The following PRKCB variants were observed in gnomAD, a reference collection of about 807,000 sequenced individuals.
PRKCB encodes protein kinase C beta.
A neutral mutation model predicts 81.5 loss-of-function variants in PRKCB; 13 were observed. The observed-to-expected ratio is 0.16, with a 90% confidence interval of 0.10 to 0.25. The LOEUF is 0.25. Ranked by LOEUF, PRKCB falls within the 10% of genes least tolerant of loss-of-function variation. PRKCB has a pLI of 1.00. For synonymous variants in PRKCB, 335 were observed against 321.4 expected, an observed-to-expected ratio of 1.04 and a Z score of -0.45; for missense variants, 509 against 875.7, an observed-to-expected ratio of 0.58 and a Z score of 5.29.
chr16:24,171,756 T>A (rs1026985331), intron 10 of PRKCB, among the ~76,000 whole-genome samples: 1 of 152,128 alleles, frequency 6.6e-6, no homozygotes, highest in African/African-American at 2.4e-5. Context: ...ATTTTTGAAA[T>A]GGAGTCTCAC....
chr16:24,047,014 C>G (rs1452912510), intron 5 of PRKCB, among the ~76,000 whole-genome samples: 1 of 151,788 alleles, frequency 6.6e-6, no homozygotes, highest in Non-Finnish European at 1.5e-5. Flanking sequence ...AGACCAGCCT[C>G]AGCAACACAG....
At chr16:24,129,618 A>G (rs1966850328) in intron 9 of PRKCB, among the ~76,000 whole-genome samples, 1 of 151,876 alleles carries the variant, frequency 6.6e-6, no homozygotes, top group South Asian at 2.1e-4. Context: ...TCATCTATCT[A>G]TCATCTATCA....
chr16:24,018,057 C>T (rs940109562), intron 3 of PRKCB, among the ~76,000 whole-genome samples: 5 of 151,958 alleles, frequency 3.3e-5, no homozygotes, highest in Admixed American at 2.6e-4. Context: ...CGCCACCACG[C>T]CCAGCTAATT....
intron 2 of PRKCB, among the ~76,000 whole-genome samples, chr16:23,984,729 G>A (rs909038765): frequency 6.6e-6 from 1 of 152,176 alleles, no homozygotes; most frequent in Non-Finnish European, 1.5e-5. Context: ...GAAGAACACT[G>A]TGGATAATTT....
intron 5 of PRKCB, among the ~76,000 whole-genome samples, chr16:24,080,274 T>C (rs2141891935): frequency 6.6e-6 from 1 of 152,320 alleles, no homozygotes; most frequent in South Asian, 2.1e-4. Flanking sequence ...AGGATTCAAA[T>C]ATAACTTAAT....
intron 16 of PRKCB, among the ~76,000 whole-genome samples, chr16:24,210,242 G>C (rs1968118921): frequency 6.6e-6 from 1 of 152,148 alleles, no homozygotes; most frequent in African/African-American, 2.4e-5. Context: ...CAAGGACCCT[G>C]CTCTGGCTCG....
chr16:23,990,457 CG>C (rs1333135473), intron 3 of PRKCB, among the ~76,000 whole-genome samples: 2 of 138,450 alleles, frequency 1.4e-5, no homozygotes, highest in Admixed American at 7.3e-5. Flanking sequence ...GACTCTGTCT[CG>C]AAAAAAAAGA....
intron 16 of PRKCB, among the ~76,000 whole-genome samples, chr16:24,199,278 A>T (rs1338097892): frequency 1.3e-5 from 2 of 152,184 alleles, no homozygotes; most frequent in Admixed American, 6.5e-5. Flanking sequence ...TCATCTGAAA[A>T]CATTGTTTAT....
intron 2 of PRKCB, among the ~76,000 whole-genome samples, chr16:23,859,961 A>G (rs1232830964): frequency 6.6e-6 from 1 of 152,104 alleles, no homozygotes; most frequent in Non-Finnish European, 1.5e-5. Flanking sequence ...AGCACAGGTG[A>G]AAATGAGAAG....
intron 2 of PRKCB, among the ~76,000 whole-genome samples, chr16:23,853,627 T>C (rs2141084365): frequency 6.6e-6 from 1 of 152,348 alleles, no homozygotes. Context: ...GTTTTATCTC[T>C]CACTTGACTG....
At chr16:24,105,608 T>C (rs1320770734) in intron 7 of PRKCB, among the ~76,000 whole-genome samples, 2 of 152,160 alleles carry the variant, frequency 1.3e-5, no homozygotes, top group African/African-American at 2.4e-5. Context: ...GTTCAACTTA[T>C]GAGTGAGAAC....
At position 23,971,279 on chromosome 16, in the gene PRKCB, G is replaced by A. The variant is rs111818078; in HGVS notation, c.206-17229G>A. ...ATGAAGTACATGTTGTAGGTGTAGCGGGCAATCGTGATCGCCATCAGAAAT... is the reference window on the plus strand; with the variant it reads ...ATGAAGTACATGTTGTAGGTGTAGCAGGCAATCGTGATCGCCATCAGAAAT... On this transcript the variant is annotated intron_variant, in intron 2 of 16. Coordinates refer to ENST00000643927, the MANE Select transcript of PRKCB (RefSeq NM_002738.7). Among the ~76,000 whole-genome samples, 302 of 152,232 alleles carry A rather than the reference G, an allele frequency of 2.0e-3. 2 individuals carry two copies. Among genetic ancestry groups the A allele is most frequent in the African/African-American group, 7.0e-3 (290 of 41,518 alleles).
intron 2 of PRKCB, among the ~76,000 whole-genome samples, chr16:23,917,368 C>T (rs781479120): frequency 4.6e-5 from 7 of 152,222 alleles, no homozygotes; most frequent in African/African-American, 7.2e-5. Flanking sequence ...TGAGCCACCA[C>T]GCCCGGCCAC....
intron 3 of PRKCB, among the ~76,000 whole-genome samples, chr16:24,011,739 C>T (rs1178970353): frequency 2.0e-5 from 3 of 152,100 alleles, no homozygotes; most frequent in Admixed American, 2.0e-4. Flanking sequence ...TGGGTCTTAG[C>T]CTCCCAAAGT....
rs150197654 is a variant in PRKCB, at chr16:23,908,554, G to A, written c.205+71148G>A. The stretch of plus-strand genomic sequence containing the variant: ...CCCTTTATTTCTTTTTTTTTGAGAC[G>A]GATTCTCGCTCTGTCGCCCCAGGCT... On this transcript the variant is annotated intron_variant, in intron 2 of 16. Transcript: ENST00000643927. Among the ~76,000 whole-genome samples the A allele has an allele frequency of 2.1e-3, 321 of 151,752 alleles. 2 individuals carry two copies. The highest frequency in any genetic ancestry group is 7.3e-3 in the African/African-American group (304 of 41,408).
At chr16:24,169,980 C>A (rs1967416411) in intron 10 of PRKCB, among the ~76,000 whole-genome samples, 1 of 152,102 alleles carries the variant, frequency 6.6e-6, no homozygotes, top group Non-Finnish European at 1.5e-5. Context: ...CAGGGTTTCA[C>A]TATGTTAGCC....
chr16:24,192,728 C>G (rs1480352985), intron 16 of PRKCB, among the ~76,000 whole-genome samples: 1 of 152,170 alleles, frequency 6.6e-6, no homozygotes, highest in Admixed American at 6.6e-5. Context: ...GTGTCAGAGC[C>G]AGCGGTATTG....
In PRKCB at chr16:24,092,834, G is replaced by A. The variant is rs1966392883; in HGVS notation, c.573G>A (p.Leu191=). ...TTGTACCTATGGACCCCAATGGCCT[G>A]TCAGATCCCTACGTAAAACTGAAAC... ...KNLVPMDPNG[L]SDPYVKLKLI... Residue 191 remains leucine (L), a synonymous_variant, in exon 6 of 17, where the codon CTG becomes CTA. Transcript: ENST00000643927. The A allele has an allele frequency of 1.2e-6, 2 of 1,614,150 alleles. No individual in the cohort carries two copies. Among genetic ancestry groups the A allele is most frequent in the Non-Finnish European group, 1.7e-6 (2 of 1,180,014 alleles).
chr16:23,863,244 ATAT>A (rs1567293519), intron 2 of PRKCB, among the ~76,000 whole-genome samples: 1 of 59,594 alleles, frequency 1.7e-5, no homozygotes, highest in South Asian at 5.7e-4. Context: ...ATATATACAT[ATAT>A]ATACACATAC....
Sources: allele counts gnomAD v4.1 joint callset (sites outside exome capture counted in the v4.1 genomes callset), GRCh38; gene constraint gnomAD v4.1.1; transcripts MANE v1.5; gene names NCBI Gene and HGNC (gene_info 2026-07-23, HGNC 2026-07-21).